Variants in UBR3 observed in about 807,000 individuals in gnomAD.
The protein encoded by UBR3 is ubiquitin protein ligase E3 component n-recognin 3.
Under a neutral mutation model 243.2 loss-of-function variants are expected in UBR3, and 85 were observed. The observed-to-expected ratio is 0.35, with a 90% CI of 0.29 to 0.42. UBR3 has a LOEUF of 0.42. Among genes scored for constraint, UBR3 ranks in the 10% least tolerant of loss-of-function variants. The probability of loss-of-function intolerance (pLI) is 1.00; values close to 1 mark genes in which losing one functional copy is unlikely to be tolerated. For synonymous variants in UBR3, 748 were observed against 799.8 expected (o/e 0.94, Z 1.09); for missense variants, 1,686 against 2,300.8 (o/e 0.73, Z 5.47).
chr2:169,903,134 A>C (rs1180315774), intron 8 of UBR3, among the ~76,000 whole-genome samples: 1 of 152,192 alleles, frequency 6.6e-6, no homozygotes, highest in Non-Finnish European at 1.5e-5. Flanking sequence ...ATTTAATTTT[A>C]CACTGAATCA....
intron 36 of UBR3, chr2:170,077,979 C>A (rs924402643): frequency 4.9e-6 from 3 of 615,262 alleles, no homozygotes; most frequent in East Asian, 3.4e-5. Context: ...CTTTTCATTT[C>A]GGCTTAATCA....
intron 1 of UBR3, among the ~76,000 whole-genome samples, chr2:169,858,177 C>CTT (rs2082957886): frequency 6.6e-6 from 1 of 152,146 alleles, no homozygotes; most frequent in African/African-American, 2.4e-5. Context: ...TAATAAAAAT[C>CTT]TAAGTTGGCA....
intron 11 of UBR3, among the ~76,000 whole-genome samples, chr2:169,918,141 C>G (rs2105341585): frequency 6.6e-6 from 1 of 152,216 alleles, no homozygotes; most frequent in Admixed American, 6.5e-5. Flanking sequence ...CCACAGTCCT[C>G]ATTTTGGAAC....
intron 5 of UBR3, among the ~76,000 whole-genome samples, chr2:169,881,463 G>A (rs1243146131): frequency 6.6e-6 from 1 of 151,848 alleles, no homozygotes; most frequent in Non-Finnish European, 1.5e-5. Context: ...ATAGGTATGA[G>A]CCACCGTGCC....
Position 169,875,238 on chromosome 2 carries a change from A to C in UBR3, c.686-553A>C, listed in dbSNP as rs570508937. 5.3e-5 allele frequency among the ~76,000 whole-genome samples: 8 copies of C among 152,292 alleles called. No individual in the cohort carries two copies. The Middle Eastern group carries it at 0.014, about 259-fold the overall frequency. On this transcript the variant is annotated intron_variant, in intron 2 of 38. Transcript: ENST00000272793. ...TTGTTTTATTCTAGGATGTGATCTA[A>C]ACTTTTTCTTAAATACTATCTTTTT... is the stretch of plus-strand genomic sequence containing the variant.
At chr2:170,000,560 T>C (rs2089659131) in intron 26 of UBR3, among the ~76,000 whole-genome samples, 1 of 152,352 alleles carries the variant, frequency 6.6e-6, no homozygotes, top group East Asian at 1.9e-4. Context: ...TGTGGAGTTA[T>C]TGAACCAAGA....
chr2:169,830,956 T>C (rs950279583), intron 1 of UBR3, among the ~76,000 whole-genome samples: 4 of 151,352 alleles, frequency 2.6e-5, no homozygotes, highest in African/African-American at 9.7e-5. Context: ...ACCAGAAATA[T>C]GTCAGTGAGT....
chr2:169,906,585 T>C (rs149645960), intron 10 of UBR3, among the ~76,000 whole-genome samples: 1 of 152,110 alleles, frequency 6.6e-6, no homozygotes, highest in Non-Finnish European at 1.5e-5. Context: ...ATTGGTTTGA[T>C]GGGTCTCCAG....
intron 29 of UBR3, among the ~76,000 whole-genome samples, chr2:170,009,859 G>A (rs1315274894): frequency 2.0e-5 from 3 of 151,972 alleles, no homozygotes; most frequent in African/African-American, 7.2e-5. Flanking sequence ...AGCTTTTATA[G>A]GTTCTATTAT....
chr2:169,956,315 T>TATAA (rs1260033714), intron 23 of UBR3, among the ~76,000 whole-genome samples: 4 of 150,058 alleles, frequency 2.7e-5, no homozygotes, highest in Non-Finnish European at 3.0e-5. Flanking sequence ...TATATATATA[T>TATAA]AACTTTTTTA....
At chr2:169,984,580 A>C (rs1250634818) in intron 24 of UBR3, among the ~76,000 whole-genome samples, 1 of 152,202 alleles carries the variant, frequency 6.6e-6, no homozygotes, top group African/African-American at 2.4e-5. Flanking sequence ...GATAAGTGAG[A>C]AACTATAATC....
chr2:169,927,469 A>C, intron 17 of UBR3, 64 bp downstream of exon 17: 1 of 1,215,946 alleles, frequency 8.2e-7, no homozygotes, highest in Non-Finnish European at 1.1e-6. Context: ...TTTTATGATT[A>C]ATAGTTTATC....
intron 24 of UBR3, among the ~76,000 whole-genome samples, chr2:169,972,567 T>C (rs1360193652): frequency 6.6e-6 from 1 of 152,226 alleles, no homozygotes; most frequent in East Asian, 1.9e-4. Context: ...TTATTCACCA[T>C]GATCAAGTGG....
intron 26 of UBR3, among the ~76,000 whole-genome samples, chr2:170,000,416 T>A (rs986201285): frequency 2.0e-5 from 3 of 152,108 alleles, no homozygotes; most frequent in African/African-American, 7.2e-5. Flanking sequence ...GTACTGGAAA[T>A]GAAGAGGAAA....
At chr2:169,935,600 A>G (rs1299533503) in intron 19 of UBR3, among the ~76,000 whole-genome samples, 1 of 152,192 alleles carries the variant, frequency 6.6e-6, no homozygotes, top group Non-Finnish European at 1.5e-5. Flanking sequence ...AATTTCTTAT[A>G]TTTCTGTTGC....
intron 26 of UBR3, among the ~76,000 whole-genome samples, chr2:169,997,552 C>T (rs952917188): frequency 6.6e-6 from 1 of 152,034 alleles, no homozygotes; most frequent in African/African-American, 2.4e-5. Context: ...TGTCACAACT[C>T]TTTTCATTTC....
intron 25 of UBR3, among the ~76,000 whole-genome samples, chr2:169,990,743 A>ACACATACACG (rs2089239093): frequency 6.7e-6 from 1 of 148,450 alleles, no homozygotes; most frequent in Non-Finnish European, 1.5e-5. Flanking sequence ...ACACACACAC[A>ACACATACACG]CACACATAAA....
intron 23 of UBR3, among the ~76,000 whole-genome samples, chr2:169,955,385 G>C (rs2087232082): frequency 6.6e-6 from 1 of 151,768 alleles, no homozygotes; most frequent in Non-Finnish European, 1.5e-5. Context: ...ATTAATTTTG[G>C]TGCTCAAATT....
At chr2:170,015,442 G>A (rs2090207857) in intron 30 of UBR3, 76 bp downstream of exon 30, 2 of 1,191,396 alleles carry the variant, frequency 1.7e-6, no homozygotes, top group African/African-American at 3.1e-5. Context: ...GTGACATTTT[G>A]GTATATTTCA....
Sources: allele counts gnomAD v4.1 joint callset (sites outside exome capture counted in the v4.1 genomes callset), GRCh38; gene constraint gnomAD v4.1.1; transcripts MANE v1.5; gene names NCBI Gene and HGNC (gene_info 2026-07-23, HGNC 2026-07-21).